SLC8A1: variants seen among roughly 807,000 people sequenced by gnomAD.
SLC8A1 encodes sodium/calcium exchanger 1.
Under a neutral mutation model 68.3 loss-of-function variants are expected in SLC8A1, and 18 were observed. That is an observed-to-expected ratio of 0.26 (90% confidence interval 0.18 to 0.39). SLC8A1 has a LOEUF of 0.39. Ranked by LOEUF, SLC8A1 falls within the 10% of genes least tolerant of loss-of-function variation. SLC8A1 has a pLI of 1.00. For synonymous variants in SLC8A1, 475 were observed against 415.5 expected (o/e 1.14, Z -1.74); for missense variants, 985 against 1,156.7 (o/e 0.85, Z 2.15).
chr2:40,478,774 G>GTT (rs760505178), intron 1 of SLC8A1, among the ~76,000 whole-genome samples: 10 of 133,948 alleles, frequency 7.5e-5, no homozygotes, highest in African/African-American at 1.1e-4. Context: ...TAATTTGTTT[G>GTT]TTTTTTTTTT....
chr2:40,225,550 A>G (rs1472534631), intron 2 of SLC8A1, among the ~76,000 whole-genome samples: 1 of 152,162 alleles, frequency 6.6e-6, no homozygotes, highest in Non-Finnish European at 1.5e-5. Context: ...AAAGACTATA[A>G]TGAATCTTGC....
chr2:40,209,694 A>G (rs769518650), intron 2 of SLC8A1, among the ~76,000 whole-genome samples: 1 of 152,086 alleles, frequency 6.6e-6, no homozygotes, highest in African/African-American at 2.4e-5. Flanking sequence ...CAGAGTATAG[A>G]GTGATAGACG....
exon 8 of SLC8A1, chr2:40,108,233 A>G (rs1461801778): frequency 6.6e-6 from 1 of 152,218 alleles, no homozygotes; most frequent in Non-Finnish European, 1.5e-5. Flanking sequence ...AGATACCTGT[A>G]CAGGTCCAAT....
At chr2:40,200,206 AAATATATATATATTTTTT>A (rs1197348413) in intron 2 of SLC8A1, among the ~76,000 whole-genome samples, 846 of 12,400 alleles carry the variant, frequency 0.068, 80 homozygotes, top group Admixed American at 0.096. Context: ...ATATATATAT[AAATATATATATATTTTTT>A]TATATATATA....
At chr2:40,246,016 A>G (rs2061820185) in intron 2 of SLC8A1, among the ~76,000 whole-genome samples, 1 of 152,110 alleles carries the variant, frequency 6.6e-6, no homozygotes, top group Non-Finnish European at 1.5e-5. Context: ...TCATTATGCC[A>G]TATGACCTGT....
exon 2 of SLC8A1, chr2:40,428,730 T>G (rs1247282085): frequency 6.2e-7 from 1 of 1,613,766 alleles, no homozygotes; most frequent in Admixed American, 1.7e-5. Flanking sequence ...GGCAAGCAAG[T>G]GTAGAAACAT....
upstream of SLC8A1, among the ~76,000 whole-genome samples, chr2:40,454,113 G>C (rs891128961): frequency 2.6e-5 from 4 of 152,272 alleles, no homozygotes; most frequent in East Asian, 3.9e-4. Context: ...AAATTACTTA[G>C]AGTCCCTGAA....
chr2:40,340,434 A>C (rs2149405349), intron 2 of SLC8A1, among the ~76,000 whole-genome samples: 1 of 152,212 alleles, frequency 6.6e-6, no homozygotes, highest in East Asian at 1.9e-4. Flanking sequence ...GGTGGCAGGC[A>C]CCTGTAATCC....
At chr2:40,397,197 C>T (rs993951424) in intron 2 of SLC8A1, among the ~76,000 whole-genome samples, 1 of 152,146 alleles carries the variant, frequency 6.6e-6, no homozygotes, top group Admixed American at 6.6e-5. Flanking sequence ...TGTCTGACTC[C>T]ACCCCTTCCT....
chr2:40,386,676 T>C (rs920545685), intron 2 of SLC8A1, among the ~76,000 whole-genome samples: 1 of 150,180 alleles, frequency 6.7e-6, no homozygotes, highest in African/African-American at 2.5e-5. Context: ...ATATTATTAA[T>C]AAATAATTGT....
At chr2:40,236,239 C>G (rs951485742) in intron 2 of SLC8A1, among the ~76,000 whole-genome samples, 153 of 151,102 alleles carry the variant, frequency 1.0e-3, no homozygotes, top group African/African-American at 3.6e-3. Context: ...GAGTCTAAGT[C>G]TCTTTGAAGG....
At chr2:40,411,689 G>A (rs1486843638) in intron 2 of SLC8A1, among the ~76,000 whole-genome samples, 1 of 151,856 alleles carries the variant, frequency 6.6e-6, no homozygotes, top group South Asian at 2.1e-4. Context: ...TAGATATTAA[G>A]ACTTTAAAGA....
intron 2 of SLC8A1, among the ~76,000 whole-genome samples, chr2:40,274,961 C>T (rs535460857): frequency 6.6e-6 from 1 of 152,262 alleles, no homozygotes; most frequent in East Asian, 1.9e-4. Context: ...TGCCCATTTC[C>T]TACCAGCAGT....
chr2:40,231,965 C>A (rs2059705174), intron 2 of SLC8A1, among the ~76,000 whole-genome samples: 1 of 151,962 alleles, frequency 6.6e-6, no homozygotes, highest in Admixed American at 6.6e-5. Flanking sequence ...GGTGTGAGAG[C>A]AAATAGGAAT....
intron 2 of SLC8A1, among the ~76,000 whole-genome samples, chr2:40,381,385 G>A (rs769152313): frequency 3.9e-5 from 6 of 151,906 alleles, no homozygotes; most frequent in Non-Finnish European, 7.4e-5. Context: ...AAGATTCCTA[G>A]TATCTTAGAG....
At chr2:40,154,308 T>C (rs2044010329) in intron 6 of SLC8A1, among the ~76,000 whole-genome samples, 1 of 126,072 alleles carries the variant, frequency 7.9e-6, no homozygotes, top group African/African-American at 3.1e-5. Flanking sequence ...TCTTTTTTTT[T>C]TTTTTTTTTT....
intron 2 of SLC8A1, among the ~76,000 whole-genome samples, chr2:40,345,797 G>C (rs1669061667): frequency 6.6e-6 from 1 of 152,018 alleles, no homozygotes; most frequent in African/African-American, 2.4e-5. Flanking sequence ...TGAACAATGA[G>C]AACACATGGA....
intron 2 of SLC8A1, among the ~76,000 whole-genome samples, chr2:40,319,637 G>A (rs1189397238): frequency 5.3e-5 from 8 of 152,066 alleles, no homozygotes; most frequent in African/African-American, 1.7e-4. Context: ...AGTTCCGCCT[G>A]TCACAAAGCT....
At position 40,477,871 on chromosome 2, in the gene SLC8A1, C is replaced by T. The variant is rs117550262; in HGVS notation, c.-25+34478G>A. 6.9e-4 allele frequency among the ~76,000 whole-genome samples: 105 copies of T among 152,194 alleles called. No individual in the cohort carries two copies. The East Asian group carries it at 0.02, about 28-fold the overall frequency. ...GCATAGCTTGATGTGGCTTACTTTC[C>T]AGAATAGTTGTGACTTGGTACTTTT... On this transcript the variant is annotated intron_variant, in intron 1 of 7. Transcript: ENST00000402441.
Sources: allele counts gnomAD v4.1 joint callset (sites outside exome capture counted in the v4.1 genomes callset), GRCh38; gene constraint gnomAD v4.1.1; transcripts MANE v1.5; gene names NCBI Gene and HGNC (gene_info 2026-07-23, HGNC 2026-07-21).